DZIP3: variants seen among roughly 807,000 people sequenced by gnomAD.
DZIP3 encodes the protein DAZ interacting zinc finger protein 3.
In DZIP3, 118 loss-of-function variants were observed where a neutral mutation model predicts 162.0. The ratio of observed to expected loss-of-function variants is 0.73; its 90% CI spans 0.63 to 0.85. The LOEUF (loss-of-function observed/expected upper bound fraction) is 0.85, where lower values mean the gene tolerates loss of function less well. DZIP3 is among the 40% of genes least tolerant of loss of function. The pLI is 0.00. For synonymous variants in DZIP3, 438 were observed against 458.6 expected (o/e 0.96, Z 0.57); for missense variants, 1,331 against 1,407.0 (o/e 0.95, Z 0.86).
chr3:108,675,868 C>G lies in DZIP3; in HGVS notation c.2776C>G (p.Leu926Val). The G allele has an allele frequency of 6.2e-7, 1 of 1,608,926 alleles. No homozygotes were observed. The highest frequency in any genetic ancestry group is 8.5e-7 in the Non-Finnish European group (1 of 1,177,336). ...VADVRNKIAF[L>V]RTQYNEQINK... ...AGATGTTAGAAACAAGATTGCATTC[C>G]TCAGGGTAAGTCCTGAAGTATATTT... Residue 926 changes from leucine to valine, a missense_variant, in exon 25 of 33, where the codon CTC (leucine) becomes GTC (valine). Around this residue, in one of 2 missense-constraint regions of DZIP3, gnomAD observed 1,278 missense variants for 1,317.1 expected, o/e 0.97. Coordinates refer to ENST00000361582, the MANE Select transcript of DZIP3 (RefSeq NM_014648.4).
intron 1 of DZIP3, among the ~76,000 whole-genome samples, chr3:108,603,921 A>T (rs1940173442): frequency 6.6e-6 from 1 of 152,110 alleles, no homozygotes; most frequent in South Asian, 2.1e-4. Flanking sequence ...CACAGACCTC[A>T]GGGTGTTTTA....
chr3:108,617,635 G>C (rs1262619641), intron 5 of DZIP3, among the ~76,000 whole-genome samples: 2 of 152,182 alleles, frequency 1.3e-5, no homozygotes, highest in African/African-American at 4.8e-5. Flanking sequence ...TGTACAAAGA[G>C]ACGGAAAAAT....
intron 1 of DZIP3, among the ~76,000 whole-genome samples, chr3:108,593,691 T>G (rs1939552033): frequency 2.6e-5 from 4 of 151,098 alleles, no homozygotes; most frequent in Admixed American, 2.6e-4. Context: ...TTTTTTTTTT[T>G]TTTTAATATG....
chr3:108,649,932 T>C (rs1942789889), intron 17 of DZIP3, among the ~76,000 whole-genome samples: 1 of 151,884 alleles, frequency 6.6e-6, no homozygotes, highest in Non-Finnish European at 1.5e-5. Context: ...TCCTGACTTT[T>C]AGACAGTTCT....
At chr3:108,616,690 TGGAC>T in intron 5 of DZIP3, 33 bp downstream of exon 5, 1 of 1,447,340 alleles carries the variant, frequency 6.9e-7, no homozygotes, top group Non-Finnish European at 9.5e-7. Flanking sequence ...TTTGATATAA[TGGAC>T]TTGGTCAACA....
chr3:108,632,859 G>T, intron 8 of DZIP3, 94 bp from the exon 9 acceptor site: 1 of 651,684 alleles, frequency 1.5e-6, no homozygotes, highest in Non-Finnish European at 2.3e-6. Context: ...ATATGATATG[G>T]ACATATTACC....
In DZIP3 at chr3:108,648,066, C is replaced by G; in HGVS notation, c.1916C>G (p.Ser639Ter). 6.2e-7 allele frequency: 1 copy of G among 1,610,446 alleles called. No individual in the cohort carries two copies. The highest frequency in any genetic ancestry group is 1.1e-5 in the South Asian group (1 of 90,276). The change falls in exon 16 of 33, where the codon TCA becomes TGA. Residue 639 changes from serine (S) to a stop codon, truncating the protein, a stop_gained. Coordinates refer to ENST00000361582, the MANE Select transcript of DZIP3 (RefSeq NM_014648.4). LOFTEE classifies it high-confidence loss of function. The part of the protein sequence containing the change: ...QFAEINKDGT[S>*]IPSESSTESL... ...GCAGAAATTAATAAAGATGGGACCT[C>G]AATACCCAGTGAATCTTCAACAGAA...
chr3:108,599,830 C>T (rs1003648501), intron 1 of DZIP3, among the ~76,000 whole-genome samples: 1 of 152,100 alleles, frequency 6.6e-6, no homozygotes, highest in Non-Finnish European at 1.5e-5. Context: ...AGAAGAGCAC[C>T]CTTATCAGAA....
In DZIP3 at chr3:108,631,055, A is replaced by ACACACACACATACACTCT; in HGVS notation, c.696+1880_696+1881insACACACACATACACTCTC. Among the ~76,000 whole-genome samples, 35 of 18,016 alleles carry ACACACACACATACACTCT rather than the reference A, an allele frequency of 1.9e-3. 1 individual carries two copies. Among genetic ancestry groups the ACACACACACATACACTCT allele is most frequent in the Admixed American group, 2.5e-3 (3 of 1,180 alleles). The allele number at this position is 18,016 out of a possible 152,430, so 11.8% of individuals were successfully genotyped here. A position where few individuals can be genotyped will look rare whatever the true frequency, so the allele number is the denominator to read the frequency against. ...CACACACACACACACACACACACAC[A>ACACACACACATACACTCT]CTCTCTCTCTCTCTCTCTCTCTCTC... On this transcript the variant is annotated intron_variant, in intron 8 of 32. Transcript: ENST00000361582.
intron 15 of DZIP3, 139 bp downstream of exon 15, chr3:108,646,788 A>G: frequency 1.7e-6 from 1 of 587,170 alleles, no homozygotes; most frequent in South Asian, 2.4e-5. Flanking sequence ...CACGCCTATA[A>G]TCCCTGTACT....
intron 9 of DZIP3, among the ~76,000 whole-genome samples, chr3:108,633,476 A>G (rs1012845050): frequency 6.6e-6 from 1 of 152,058 alleles, no homozygotes; most frequent in Admixed American, 6.6e-5. Flanking sequence ...ATACTACTAA[A>G]TAAGTGATCA....
intron 12 of DZIP3, among the ~76,000 whole-genome samples, chr3:108,640,884 C>G (rs191471239): frequency 2.6e-5 from 4 of 151,854 alleles, no homozygotes; most frequent in Non-Finnish European, 4.4e-5. Context: ...CTATGTATTT[C>G]TTTGTAGGTG....
At chr3:108,674,214 T>A (rs1944020259) in intron 24 of DZIP3, 33 bp downstream of exon 24, 4 of 1,559,414 alleles carry the variant, frequency 2.6e-6, no homozygotes, top group Non-Finnish European at 3.5e-6. Flanking sequence ...TGCATCTTAA[T>A]TTTAGAGATG....
chr3:108,617,235 G>A (rs1397045063), intron 5 of DZIP3, among the ~76,000 whole-genome samples: 1 of 152,122 alleles, frequency 6.6e-6, no homozygotes, highest in Non-Finnish European at 1.5e-5. Flanking sequence ...TTATAATCCT[G>A]AAAATTGCCT....
chr3:108,646,438 T>C (rs977459556), intron 14 of DZIP3, among the ~76,000 whole-genome samples, 179 bp from the exon 15 acceptor site: 1 of 152,204 alleles, frequency 6.6e-6, no homozygotes, highest in East Asian at 1.9e-4. Context: ...ATAACCTTTA[T>C]GTGATAATCT....
intron 18 of DZIP3, among the ~76,000 whole-genome samples, chr3:108,652,924 A>G (rs1049558106): frequency 6.6e-6 from 1 of 151,986 alleles, no homozygotes; most frequent in Admixed American, 6.6e-5. Flanking sequence ...ACTCTATGAT[A>G]TGTTATGACA....
In DZIP3 at chr3:108,625,919, T is replaced by C. The variant is rs1941570315; in HGVS notation, c.531T>C (p.Phe177=). ...AAGAAAATGAAATTTGTGAAAACTT[T>C]ATGTCTTTAGTTTATTTTGGACGTG... is the stretch of plus-strand genomic sequence containing the variant. The part of the protein sequence containing the change: ...MIQENEICEN[F]MSLVYFGRGL... Residue 177 remains phenylalanine, a synonymous_variant, in exon 7 of 33, where the codon TTT becomes TTC. Transcript: ENST00000361582. The C allele has an allele frequency of 6.2e-7, 1 of 1,613,604 alleles. No individual in the cohort carries two copies. Among genetic ancestry groups the C allele is most frequent in the South Asian group, 1.1e-5 (1 of 90,912 alleles).
intron 1 of DZIP3, among the ~76,000 whole-genome samples, chr3:108,596,109 G>A (rs1939699758): frequency 6.6e-6 from 1 of 152,176 alleles, no homozygotes; most frequent in Non-Finnish European, 1.5e-5. Context: ...TAGATAGGAT[G>A]GAGTACTAAT....
At chr3:108,598,845 G>A (rs1022438463) in intron 1 of DZIP3, among the ~76,000 whole-genome samples, 1 of 152,208 alleles carries the variant, frequency 6.6e-6, no homozygotes, top group African/African-American at 2.4e-5. Flanking sequence ...CGTTTCTGAA[G>A]AGTGTGGTTT....
Sources: gnomAD v4.1 joint callset for allele counts (sites outside exome capture counted in the v4.1 genomes callset) on GRCh38, gnomAD v4.1.1 for gene constraint, gnomAD v4.1.1 regional missense constraint, MANE v1.5 for transcripts, NCBI Gene and HGNC (gene_info 2026-07-23, HGNC 2026-07-21) for gene names.